AMZ2: variants seen among roughly 807,000 people sequenced by gnomAD.
AMZ2 encodes archaemetzincin-2.
Under a neutral mutation model 36.7 loss-of-function variants are expected in AMZ2, and 26 were observed. The observed-to-expected ratio is 0.71, with a 90% CI of 0.52 to 0.98. The LOEUF is 0.98. Among genes scored for constraint, AMZ2 ranks in the 50% least tolerant of loss-of-function variants. The probability of loss-of-function intolerance (pLI) is 0.00; values close to 1 mark genes in which losing one functional copy is unlikely to be tolerated. For synonymous variants in AMZ2, 144 were observed against 149.1 expected (o/e 0.97, Z 0.25); for missense variants, 394 against 430.5 (o/e 0.92, Z 0.75).
intron 4 of AMZ2, among the ~76,000 whole-genome samples, chr17:68,253,809 A>C (rs1191546293): frequency 1.3e-5 from 2 of 150,124 alleles, no homozygotes; most frequent in East Asian, 3.9e-4. Flanking sequence ...GCTGGAGTGC[A>C]ATGGTGCGAT....
intron 1 of AMZ2, among the ~76,000 whole-genome samples, chr17:68,221,209 T>TCCCCGCC (rs1568348020): frequency 1.5e-5 from 1 of 66,776 alleles, no homozygotes; most frequent in African/African-American, 6.8e-5. Context: ...AGCCCTCAGC[T>TCCCCGCC]CCCCCCCCCG....
intron 1 of AMZ2, among the ~76,000 whole-genome samples, chr17:68,242,080 A>G (rs187461608): frequency 1.4e-3 from 206 of 152,134 alleles, no homozygotes; most frequent in African/African-American, 4.8e-3. Flanking sequence ...ACAAATTAGG[A>G]AGACAAAGGA....
chr17:68,254,250 C>T (rs2074720869), intron 4 of AMZ2, among the ~76,000 whole-genome samples, 154 bp from the exon 5 acceptor site: 1 of 152,156 alleles, frequency 6.6e-6, no homozygotes, highest in Non-Finnish European at 1.5e-5. Flanking sequence ...AAAAGTCTTC[C>T]TTTTTGGTGG....
chr17:68,231,155 C>T (rs2073653736), intron 1 of AMZ2, among the ~76,000 whole-genome samples: 1 of 151,938 alleles, frequency 6.6e-6, no homozygotes, highest in African/African-American at 2.4e-5. Context: ...CCTGGACCTC[C>T]TGGGCTCAAG....
chr17:68,255,961 G>GT, intron 6 of AMZ2, 85 bp downstream of exon 6: 2 of 1,359,018 alleles, frequency 1.5e-6, no homozygotes, highest in Non-Finnish European at 2.0e-6. Context: ...CTTCTCTGGA[G>GT]TTATAATTTA....
chr17:68,209,626 A>ATTTTTTTTTTT (rs1430193601), intron 1 of AMZ2, among the ~76,000 whole-genome samples: 5 of 95,228 alleles, frequency 5.3e-5, no homozygotes, highest in African/African-American at 2.1e-4. Context: ...ATATATATAT[A>ATTTTTTTTTTT]TATATATTTT....
intron 1 of AMZ2, among the ~76,000 whole-genome samples, chr17:68,238,665 C>T (rs774725578): frequency 2.1e-4 from 32 of 152,066 alleles, no homozygotes; most frequent in Non-Finnish European, 4.1e-4. Context: ...CCTGACAAGA[C>T]ATCAAAGAAT....
At position 68,226,987 on chromosome 17, in the gene AMZ2, T is replaced by C. The variant is rs149251687; in HGVS notation, c.-67+20749T>C. 5.3e-3 allele frequency among the ~76,000 whole-genome samples: 783 copies of C among 147,454 alleles called. 6 individuals carry two copies. Among genetic ancestry groups the C allele is most frequent in the African/African-American group, 0.019 (741 of 38,914 alleles). ...AACCTGCCATCACCCCGTGGCTGAG[T>C]TGGGATTTTGAACTGCTGTTGTTAT... On this transcript the variant is annotated intron_variant, in intron 1 of 7. Coordinates refer to the AMZ2 transcript ENST00000674770.
chr17:68,243,543 TTTGA>T (rs1157852831), upstream of AMZ2, among the ~76,000 whole-genome samples: 60 of 152,370 alleles, frequency 3.9e-4, no homozygotes, highest in Admixed American at 2.8e-3. Context: ...AGCTGGATAC[TTTGA>T]TTGTTTCTAA....
intron 1 of AMZ2, among the ~76,000 whole-genome samples, chr17:68,212,633 C>G (rs551259495): frequency 3.9e-5 from 6 of 152,264 alleles, no homozygotes; most frequent in Non-Finnish European, 8.8e-5. Flanking sequence ...ACGGCTCAAT[C>G]TCAGCTAACT....
chr17:68,254,697 T>C (rs2074764260), intron 5 of AMZ2, 130 bp downstream of exon 5: 3 of 808,852 alleles, frequency 3.7e-6, no homozygotes, highest in Admixed American at 3.2e-5. Flanking sequence ...TGGTGCATAG[T>C]GCTTGACTGA....
intron 1 of AMZ2, among the ~76,000 whole-genome samples, chr17:68,240,519 A>G (rs1330879746): frequency 1.3e-5 from 2 of 152,232 alleles, no homozygotes; most frequent in African/African-American, 4.8e-5. Flanking sequence ...TGAAAGTCCA[A>G]CATCCAGCAA....
At chr17:68,234,002 G>A (rs1261678625) in intron 1 of AMZ2, among the ~76,000 whole-genome samples, 2 of 152,066 alleles carry the variant, frequency 1.3e-5, no homozygotes, top group Non-Finnish European at 2.9e-5. Context: ...ACAGCAAATC[G>A]TAGATTCCAT....
At chr17:68,238,547 T>TAGAGAG (rs1230373403) in intron 1 of AMZ2, among the ~76,000 whole-genome samples, 3 of 151,776 alleles carry the variant, frequency 2.0e-5, no homozygotes, top group South Asian at 2.1e-4. Flanking sequence ...TATATATATA[T>TAGAGAG]AGAGAGAAAG....
At chr17:68,225,893 G>T (rs1555729765) in intron 1 of AMZ2, among the ~76,000 whole-genome samples, 1 of 152,060 alleles carries the variant, frequency 6.6e-6, no homozygotes, top group Admixed American at 6.6e-5. Context: ...CAAAGTGCTG[G>T]GATTATAGCA....
intron 1 of AMZ2, among the ~76,000 whole-genome samples, chr17:68,225,060 C>T (rs2073480324): frequency 1.3e-5 from 2 of 151,452 alleles, no homozygotes; most frequent in African/African-American, 2.4e-5. Flanking sequence ...GGCATGCTGG[C>T]GTGCACCTGT....
intron 1 of AMZ2, chr17:68,249,965 G>T (rs2074322139): frequency 9.2e-6 from 5 of 542,526 alleles, no homozygotes; most frequent in Non-Finnish European, 1.6e-5. Context: ...ATGGGAGCAG[G>T]TTCCATATGA....
rs1555739173 is a variant in AMZ2, at chr17:68,250,848, G to A, written c.338G>A (p.Gly113Asp). The change falls in exon 3 of 7, where the codon GGC (glycine) becomes GAC (aspartate). Residue 113 changes from glycine to aspartate, a missense_variant. Physicochemically the swap from Gly to Asp is moderately conservative, Grantham distance 94 (BLOSUM62 -1). Coordinates refer to ENST00000359904, the MANE Select transcript of AMZ2 (RefSeq NM_016627.5). ...GAAGAATATATTAAATGGCTCACGG[G>A]CTACTGTAAAGCATATTTCTATGGC... ...ISEEYIKWLT[G>D]YCKAYFYGLR... 1.2e-6 allele frequency: 2 copies of A among 1,604,642 alleles called. No homozygotes were observed. The highest frequency in any genetic ancestry group is 4.5e-5 in the East Asian group (2 of 44,798).
chr17:68,226,409 A>T (rs1375551202), intron 1 of AMZ2, among the ~76,000 whole-genome samples: 2 of 152,214 alleles, frequency 1.3e-5, no homozygotes, highest in Non-Finnish European at 2.9e-5. Flanking sequence ...CTGCTCTGGC[A>T]ACAGGTTCTT....
Sources: allele counts gnomAD v4.1 joint callset (sites outside exome capture counted in the v4.1 genomes callset), GRCh38; gene constraint gnomAD v4.1.1; transcripts MANE v1.5; gene names NCBI Gene and HGNC (gene_info 2026-07-23, HGNC 2026-07-21).